Variants in LYST observed in about 807,000 individuals in gnomAD.
The protein encoded by LYST is lysosomal trafficking regulator, also known as lysosomal-trafficking regulator.
A neutral mutation model predicts 413.6 loss-of-function variants in LYST; 192 were observed. That is an observed-to-expected ratio of 0.46 (90% CI 0.41 to 0.52). The LOEUF is 0.52. LYST is among the 20% of genes least tolerant of loss of function. LYST has a pLI of 0.00. For missense variants in LYST, 3,815 were observed against 4,499.9 expected (o/e 0.85, Z 4.35); for synonymous variants, 1,525 against 1,567.3 (o/e 0.97, Z 0.64).
chr1:235,732,130 T>C (rs1019060531), intron 34 of LYST, among the ~76,000 whole-genome samples: 1 of 152,180 alleles, frequency 6.6e-6, no homozygotes, highest in African/African-American at 2.4e-5. Flanking sequence ...CATTTTTCTA[T>C]AACTTGCCTT....
intron 15 of LYST, 117 bp from the exon 16 acceptor site, chr1:235,781,172 T>G (rs1669835495): frequency 2.9e-6 from 2 of 694,158 alleles, no homozygotes; most frequent in Non-Finnish European, 5.0e-6. Context: ...GTTCACTATA[T>G]TTTATAAAAT....
chr1:235,748,304 GT>G (rs1666122198), intron 28 of LYST, among the ~76,000 whole-genome samples: 1 of 152,030 alleles, frequency 6.6e-6, no homozygotes, highest in African/African-American at 2.4e-5. Context: ...GATGTGTAAA[GT>G]TTTTCATACT....
At chr1:235,756,237 C>T (rs1199067636) in intron 24 of LYST, among the ~76,000 whole-genome samples, 2 of 152,094 alleles carry the variant, frequency 1.3e-5, no homozygotes, top group East Asian at 3.9e-4. Context: ...TGATAGACTC[C>T]TTTCCCCCAG....
intron 47 of LYST, among the ~76,000 whole-genome samples, chr1:235,688,855 C>T (rs1344536799): frequency 3.3e-5 from 5 of 151,766 alleles, no homozygotes; most frequent in Admixed American, 6.6e-5. Context: ...TGTGGTGGCA[C>T]GCACCTGTAG....
chr1:235,668,546 C>T (rs1006470455), intron 50 of LYST, among the ~76,000 whole-genome samples: 2 of 152,188 alleles, frequency 1.3e-5, no homozygotes, highest in African/African-American at 4.8e-5. Context: ...GAATACCCTA[C>T]TAGTGAGTTG....
At chr1:235,812,849 A>G in intron 4 of LYST, 122 bp downstream of exon 4, 1 of 708,238 alleles carries the variant, frequency 1.4e-6, no homozygotes, top group Admixed American at 2.2e-5. Context: ...CATATTTAGT[A>G]TGAATAAATC....
chr1:235,757,358 C>T lies in LYST; in HGVS notation c.6982G>A (p.Asp2328Asn), dbSNP rs372000599. Residue 2328 changes from aspartate to asparagine, a missense_variant, in exon 24 of 53, where the codon GAC (aspartate) becomes AAC (asparagine). By Grantham distance (23) the Asp-to-Asn change is conservative. Transcript: ENST00000389793. ...AGTGTATCTGCTTGAATAAGCTTGTCCATCACATCTTCAAGCAAAACATCA... is the reference window on the plus strand; with the variant it reads ...AGTGTATCTGCTTGAATAAGCTTGTTCATCACATCTTCAAGCAAAACATCA... Reference protein sequence around the residue: ...LPDVLLEDVMDKLIQADTLLV... With the variant: ...LPDVLLEDVMNKLIQADTLLV... The T allele has an allele frequency of 3.0e-4, 484 of 1,612,822 alleles. No homozygotes were observed. The highest frequency in any genetic ancestry group is 3.9e-4 in the Non-Finnish European group (461 of 1,179,294).
chr1:235,875,150 T>C (rs1407460013), intron 1 of LYST, among the ~76,000 whole-genome samples: 1 of 152,086 alleles, frequency 6.6e-6, no homozygotes, highest in Non-Finnish European at 1.5e-5. Flanking sequence ...TCACGGTGGT[T>C]TGAAGATCTT....
rs1285165106 is a variant in LYST at position 235,665,612 on chromosome 1, C to CAAAAA, written c.11039-996_11039-992dup. ...GGGCGACAGAGCAGAGACTCTATCT[C>CAAAAA]AAAAAAAAAAAAAAAAAAAGTGACT... On this transcript the variant is annotated intron_variant, in intron 50 of 52. Transcript: ENST00000389793. Among the ~76,000 whole-genome samples the CAAAAA allele has an allele frequency of 5.9e-4, 48 of 81,092 alleles. 1 individual carries two copies. Among genetic ancestry groups the CAAAAA allele is most frequent in the Non-Finnish European group, 8.2e-4 (35 of 42,728 alleles). The allele number at this position is 81,092 out of a possible 152,430, so 53.2% of individuals were successfully genotyped here. A position where few individuals can be genotyped will look rare whatever the true frequency, so the allele number is the denominator to read the frequency against.
intron 1 of LYST, among the ~76,000 whole-genome samples, chr1:235,882,242 G>A (rs1436593027): frequency 6.6e-6 from 1 of 152,116 alleles, no homozygotes; most frequent in Non-Finnish European, 1.5e-5. Flanking sequence ...CCAGGCTGAG[G>A]GAATAGCATA....
chr1:235,733,835 T>C lies in LYST; in HGVS notation c.8607A>G (p.Gln2869=), dbSNP rs369484787. The change falls in exon 33 of 53, where the codon CAA becomes CAG. Residue 2869 remains glutamine (Q), a synonymous_variant. Coordinates refer to ENST00000389793, the MANE Select transcript of LYST (RefSeq NM_000081.4). The stretch of plus-strand genomic sequence containing the variant: ...TGGAACATATAAAATCTTACCTTTG[T>C]TGATTATTGTTAACTGTTTTCTGCC... ...AAWQKTVNNN[Q]QSLFQRLDSK... 156 of 1,592,690 alleles carry C rather than the reference T, an allele frequency of 9.8e-5. No individual in the cohort carries two copies. The highest frequency in any genetic ancestry group is 1.3e-4 in the Non-Finnish European group (149 of 1,160,714).
Position 235,752,182 on chromosome 1 carries a change from C to A in LYST, c.7461-11G>T. ...TCACTCATGGGAATGCTAAAGATAACAACAAAAGAAGAAAACAGAACATTT... is the reference window on the plus strand; with the variant it reads ...TCACTCATGGGAATGCTAAAGATAAAAACAAAAGAAGAAAACAGAACATTT... On this transcript the variant is annotated splice_polypyrimidine_tract_variant and intron_variant, in intron 26 of 52. Coordinates refer to ENST00000389793, the MANE Select transcript of LYST (RefSeq NM_000081.4). The A allele has an allele frequency of 6.3e-7, 1 of 1,589,894 alleles. No individual in the cohort carries two copies. The highest frequency in any genetic ancestry group is 8.6e-7 in the Non-Finnish European group (1 of 1,160,106).
chr1:235,876,414 G>A (rs1263999403), intron 1 of LYST, among the ~76,000 whole-genome samples: 1 of 152,108 alleles, frequency 6.6e-6, no homozygotes, highest in Non-Finnish European at 1.5e-5. Context: ...TAAGTTGTGG[G>A]AACTGCATTT....
intron 1 of LYST, among the ~76,000 whole-genome samples, chr1:235,839,314 T>C (rs531828623): frequency 1.3e-5 from 2 of 151,522 alleles, no homozygotes; most frequent in East Asian, 3.9e-4. Context: ...TGGAGTGCAG[T>C]GGCATGATCT....
chr1:235,806,224 T>G lies in LYST; in HGVS notation c.2912A>C (p.Tyr971Ser). The G allele has an allele frequency of 6.2e-7, 1 of 1,614,018 alleles. No homozygotes were observed. The highest frequency in any genetic ancestry group is 8.5e-7 in the Non-Finnish European group (1 of 1,179,978). ...ADIWSMCRWI[Y>S]MLSSVFQKQF... is the part of the protein sequence containing the mutation. The stretch of plus-strand genomic sequence containing the variant: ...TTTCTGGAACACTGAACTCAACATG[T>G]AGATCCAACGACACATAGACCAAAT... Residue 971 changes from tyrosine (Y) to serine (S), a missense_variant, in exon 6 of 53, where the codon TAC becomes TCC. Physicochemically the swap from Tyr to Ser is moderately radical, Grantham distance 144. Around this residue, in one of 4 missense-constraint regions of LYST, gnomAD observed 1,648 missense variants for 1,810.3 expected, o/e 0.91. Coordinates refer to ENST00000389793, the MANE Select transcript of LYST (RefSeq NM_000081.4).
chr1:235,788,886 G>A lies in LYST; in HGVS notation c.4544-41C>T, dbSNP rs201677077. On this transcript the variant is annotated intron_variant, in intron 12 of 52. Coordinates refer to ENST00000389793, the MANE Select transcript of LYST (RefSeq NM_000081.4). ...GTTAGAATGATCAGTAAAATGGTTC[G>A]TAACAACTGAGTAGAAAAGTGAATT... 103 of 1,583,748 alleles carry A rather than the reference G, an allele frequency of 6.5e-5. No homozygotes were observed. The East Asian group carries it at 6.7e-4, about 10-fold the overall frequency.
intron 10 of LYST, among the ~76,000 whole-genome samples, chr1:235,800,007 A>T: frequency 9.0e-6 from 1 of 111,626 alleles, no homozygotes; most frequent in African/African-American, 3.5e-5. Flanking sequence ...CCCAGACTGG[A>T]GTGCAGTGGC....
rs201255245 is a variant in LYST at position 235,808,668 on chromosome 1, T to C, written c.2150A>G (p.Asn717Ser). 2.6e-4 allele frequency: 426 copies of C among 1,613,688 alleles called. 3 individuals are homozygous for C. The highest frequency in any genetic ancestry group is 4.7e-5 in the Non-Finnish European group (55 of 1,179,780). ...AACTATATTGCCTTTCTGGATTAAA[T>C]TGCAAATGTGATTTGCAATCTGTAT... ...HSIQIANHIC[N>S]LIQKGNIVVQ... The change falls in exon 5 of 53, where the codon AAT (asparagine) becomes AGT (serine). Residue 717 changes from asparagine to serine, a missense_variant. Physicochemically the swap from Asn to Ser is conservative, Grantham distance 46. Around this residue, in one of 4 missense-constraint regions of LYST, gnomAD observed 1,648 missense variants for 1,810.3 expected, o/e 0.91. Transcript: ENST00000389793.
intron 1 of LYST, among the ~76,000 whole-genome samples, chr1:235,851,188 G>GTA (rs60230013): frequency 0.31 from 46,103 of 150,346 alleles, 8,559 homozygotes; most frequent in East Asian, 0.78. Flanking sequence ...ATATGTGTGT[G>GTA]TATATATATA....
Sources: gnomAD v4.1 joint callset for allele counts (sites outside exome capture counted in the v4.1 genomes callset) on GRCh38, gnomAD v4.1.1 for gene constraint, gnomAD v4.1.1 regional missense constraint, MANE v1.5 for transcripts, NCBI Gene and HGNC (gene_info 2026-07-23, HGNC 2026-07-21) for gene names.